GPR84: variants seen among roughly 807,000 people sequenced by gnomAD.
GPR84 encodes the protein G-protein coupled receptor 84.
Under a neutral mutation model 14.9 loss-of-function variants are expected in GPR84, and 8 were observed. The observed-to-expected ratio is 0.54, with a 90% CI of 0.31 to 0.97. The LOEUF is 0.97. Among genes scored for constraint, GPR84 ranks in the 50% least tolerant of loss-of-function variants. The pLI is 0.04. For missense variants in GPR84, 424 were observed against 498.7 expected (o/e 0.85, Z 1.43); for synonymous variants, 164 against 198.1 (o/e 0.83, Z 1.45).
chr12:54,363,908 T>G, intron 1 of GPR84, 49 bp from the exon 2 acceptor site: 4 of 1,238,512 alleles, frequency 3.2e-6, no homozygotes, highest in Non-Finnish European at 4.5e-6. Context: ...AACCTAGCAT[T>G]CAACTTAGAT....
rs1954284119 is a variant in GPR84, at chr12:54,362,776, G to A, written c.1076C>T (p.Thr359Ile). 1 of 1,614,052 alleles carries A rather than the reference G, an allele frequency of 6.2e-7. No homozygotes were observed. The highest frequency in any genetic ancestry group is 8.5e-7 in the Non-Finnish European group (1 of 1,180,000). The change falls in exon 2 of 2, where the codon ACC becomes ATC. Residue 359 changes from threonine (T) to isoleucine (I), a missense_variant. Coordinates refer to ENST00000267015, the MANE Select transcript of GPR84 (RefSeq NM_020370.3). This position sits in a 1 kb window ranked among gnomAD's most constrained non-coding sequence, Gnocchi z 4.0. ...RVVHMLAANL[T>I]WLNGCINPVL... ...AGGGTTGATGCAACCATTGAGCCAG[G>A]TGAGGTTGGCAGCAAGCATGTGGAC...
chr12:54,361,208 G>A (rs1160074174), downstream of GPR84, among the ~76,000 whole-genome samples: 1 of 151,626 alleles, frequency 6.6e-6, no homozygotes, highest in Admixed American at 6.6e-5. This position sits in a 1 kb window ranked among gnomAD's most constrained non-coding sequence, Gnocchi z 4.3. Flanking sequence ...TTGAGACAGA[G>A]TCTCGCTCAG....
At position 54,362,806 on chromosome 12, in the gene GPR84, C is replaced by G. The variant is rs559035355; in HGVS notation, c.1046G>C (p.Arg349Pro). The G allele has an allele frequency of 1.2e-6, 2 of 1,614,144 alleles. No individual in the cohort carries two copies. The highest frequency in any genetic ancestry group is 1.7e-6 in the Non-Finnish European group (2 of 1,180,018). The change falls in exon 2 of 2, where the codon CGG (arginine) becomes CCG (proline). Residue 349 changes from arginine (R) to proline (P), a missense_variant. By Grantham distance (103) the Arg-to-Pro change is moderately radical. Coordinates refer to ENST00000267015, the MANE Select transcript of GPR84 (RefSeq NM_020370.3). This position sits in a 1 kb window ranked among gnomAD's most constrained non-coding sequence, Gnocchi z 4.0. The part of the protein sequence containing the change: ...NILDARVQAP[R>P]VVHMLAANLT... ...GTTGGCAGCAAGCATGTGGACCACC[C>G]GGGGAGCCTGGACTCTGGCATCCAG...
Position 54,363,302 on chromosome 12 carries a change from C to T in GPR84, c.550G>A (p.Gly184Ser), listed in dbSNP as rs760267211. The T allele has an allele frequency of 3.1e-6, 5 of 1,613,970 alleles. No homozygotes were observed. In the South Asian group the frequency reaches 3.3e-5, roughly 11 times the overall value. Residue 184 changes from glycine to serine, a missense_variant, in exon 2 of 2, where the codon GGC (glycine) becomes AGC (serine). Gly to Ser is a moderately conservative substitution (Grantham distance 56). Transcript: ENST00000267015. ...CTGAGCCCAAGCACAAAGTAGATGC[C>T]CATGAGGATGGTGGTGTAAGGCCGG... ...RGRPYTTILMGIYFVLGLSSV... is the reference protein window; with the variant it reads ...RGRPYTTILMSIYFVLGLSSV...
At chr12:54,355,101 G>GA in the GPR84 span, among the ~76,000 whole-genome samples, 2 of 152,134 alleles carry the variant, frequency 1.3e-5, no homozygotes, top group African/African-American at 4.8e-5. Flanking sequence ...GAAACAAAAT[G>GA]AGAGAGAAAA....
the GPR84 span, chr12:54,353,685 G>A: frequency 2.0e-5 from 3 of 152,432 alleles, no homozygotes; most frequent in South Asian, 2.1e-4. Flanking sequence ...TCCTGGACTA[G>A]AGAGTGAATG....
the GPR84 span, among the ~76,000 whole-genome samples, chr12:54,353,392 C>G: frequency 6.6e-6 from 1 of 151,884 alleles, no homozygotes; most frequent in South Asian, 2.1e-4. Context: ...ACAGCCTGAA[C>G]AGTGCCAGAC....
downstream of GPR84, among the ~76,000 whole-genome samples, chr12:54,357,555 G>A (rs1954223606): frequency 6.6e-6 from 1 of 152,192 alleles, no homozygotes; most frequent in African/African-American, 2.4e-5. Flanking sequence ...AGCAAGGGAT[G>A]TCAAGAAGTA....
At chr12:54,358,321 G>A (rs909110515), downstream of GPR84, among the ~76,000 whole-genome samples, 2 of 152,052 alleles carry the variant, frequency 1.3e-5, no homozygotes, top group Non-Finnish European at 2.9e-5. Flanking sequence ...GACGCCAATG[G>A]GTCTTCATAG....
At chr12:54,353,744 T>C in the GPR84 span, 2 of 152,230 alleles carry the variant, frequency 1.3e-5, no homozygotes, top group Non-Finnish European at 2.9e-5. Context: ...GGAGAGTACA[T>C]CAGCAACAGG....
chr12:54,360,181 C>G (rs928036873), downstream of GPR84, among the ~76,000 whole-genome samples: 6 of 152,110 alleles, frequency 3.9e-5, no homozygotes, highest in African/African-American at 1.4e-4. Context: ...AGACTCTGCC[C>G]TCAAATCACG....
Position 54,363,007 on chromosome 12 carries a change from C to G in GPR84, c.845G>C (p.Arg282Thr). Residue 282 changes from arginine to threonine, a missense_variant, in exon 2 of 2, where the codon AGA becomes ACA. Physicochemically the swap from Arg to Thr is moderately conservative, Grantham distance 71. Transcript: ENST00000267015. ...SEVGDQINSK[R>T]AKQMAEKSPP... ...GCTTTTCTCTGCCATCTGCTTAGCT[C>G]TCTTGCTGTTGATCTGGTCTCCCAC... The G allele has an allele frequency of 1.2e-6, 2 of 1,614,176 alleles. No homozygotes were observed. Among genetic ancestry groups the G allele is most frequent in the Non-Finnish European group, 1.7e-6 (2 of 1,180,026 alleles).
the GPR84 span, among the ~76,000 whole-genome samples, chr12:54,357,381 T>C: frequency 2.0e-5 from 3 of 152,170 alleles, no homozygotes; most frequent in Non-Finnish European, 2.9e-5. Flanking sequence ...GTCTCCCTTA[T>C]ATTATGGACC....
In GPR84 at chr12:54,363,094, C is replaced by T; in HGVS notation, c.758G>A (p.Gly253Glu). Residue 253 changes from glycine (G) to glutamate (E), a missense_variant, in exon 2 of 2, where the codon GGG becomes GAG. Coordinates refer to ENST00000267015, the MANE Select transcript of GPR84 (RefSeq NM_020370.3). ...AGCACTGACTGGCTCAGATGAAATC[C>T]CCTCACTGGGTCCTCCTGATGCTAA... ...SRLASGGPSE[G>E]ISSEPVSAAT... 1 of 1,614,184 alleles carries T rather than the reference C, an allele frequency of 6.2e-7. No homozygotes were observed. Among genetic ancestry groups the T allele is most frequent in the Non-Finnish European group, 8.5e-7 (1 of 1,180,032 alleles).
At position 54,363,732 on chromosome 12, in the gene GPR84, G is replaced by GA. The variant is rs1565603846; in HGVS notation, c.119dup (p.Thr41HisfsTer26). 6.2e-7 allele frequency: 1 copy of GA among 1,613,968 alleles called. No individual in the cohort carries two copies. The highest frequency in any genetic ancestry group is 2.2e-5 in the East Asian group (1 of 44,880). On this transcript the variant is annotated frameshift_variant, in exon 2 of 2. Coordinates refer to ENST00000267015, the MANE Select transcript of GPR84 (RefSeq NM_020370.3). LOFTEE classifies it high-confidence loss of function. Reference sequence around the variant, plus strand: ...GCTGGATGGCCAAGGCCAGTAGGGTGAGCACATTGCCCACGGTGCCTGTCA... The same window carrying GA: ...GCTGGATGGCCAAGGCCAGTAGGGTGAAGCACATTGCCCACGGTGCCTGTCA...
downstream of GPR84, among the ~76,000 whole-genome samples, chr12:54,360,562 C>T (rs1592217986): frequency 6.6e-6 from 1 of 152,108 alleles, no homozygotes; most frequent in Non-Finnish European, 1.5e-5. Context: ...GGTTTAGGCT[C>T]CTGTGACTTT....
At chr12:54,362,411 T>C, downstream of GPR84, 2 of 421,366 alleles carry the variant, frequency 4.7e-6, no homozygotes, top group Admixed American at 7.8e-5. The surrounding 1 kb of genome is among the most constrained non-coding windows in gnomAD (Gnocchi z 4.0). Context: ...AACCGTGACC[T>C]GTTTCCTTCT....
At chr12:54,357,211 AAGGGCC>A in the GPR84 span, among the ~76,000 whole-genome samples, 1 of 152,076 alleles carries the variant, frequency 6.6e-6, no homozygotes. Flanking sequence ...GTGGCTCTTA[AAGGGCC>A]AGTCTAGACC....
rs1592218705 is a variant in GPR84, at chr12:54,362,519, T to A, written c.*142A>T. 1 of 668,188 alleles carries A rather than the reference T, an allele frequency of 1.5e-6. No homozygotes were observed. 41.4% of individuals were successfully genotyped at this position (668,188 alleles called of 1,614,324 possible). On this transcript the variant is annotated 3_prime_UTR_variant, in exon 2 of 2. Transcript: ENST00000267015. This position sits in a 1 kb window ranked among gnomAD's most constrained non-coding sequence, Gnocchi z 4.0. ...GTCTAGGGCTGAAACATTGATCAAG[T>A]GATGGAGAGACTTGATTTGGGAGGC...
Sources: gnomAD v4.1 joint callset for allele counts (sites outside exome capture counted in the v4.1 genomes callset) on GRCh38, gnomAD v4.1.1 for gene constraint, Gnocchi (gnomAD v3.1) non-coding constraint, MANE v1.5 for transcripts, NCBI Gene and HGNC (gene_info 2026-07-23, HGNC 2026-07-21) for gene names.